The following TSPEAR variants were observed in gnomAD, a reference collection of about 807,000 sequenced individuals.
TSPEAR encodes the protein thrombospondin type laminin G domain and EAR repeats.
In TSPEAR, 69 loss-of-function variants were observed where a neutral mutation model predicts 71.6. The ratio of observed to expected loss-of-function variants is 0.96; its 90% CI spans 0.79 to 1.18. TSPEAR has a LOEUF of 1.18. Among genes scored for constraint, TSPEAR ranks in the 50% most tolerant of loss-of-function variants. The pLI, the probability that TSPEAR is intolerant of heterozygous loss-of-function variation, is 0.00. For synonymous variants in TSPEAR, 402 were observed against 387.2 expected (o/e 1.04, Z -0.45); for missense variants, 971 against 894.9 (o/e 1.09, Z -1.09).
At chr21:44,613,015 C>A (rs1385626396) in intron 1 of TSPEAR, 12 of 1,299,056 alleles carry the variant, frequency 9.2e-6, no homozygotes, top group African/African-American at 1.5e-5. Context: ...GCTGAGGTGA[C>A]CTCTCCCTCC....
intron 1 of TSPEAR, chr21:44,646,569 C>G: frequency 6.2e-7 from 1 of 1,612,386 alleles, no homozygotes; most frequent in Non-Finnish European, 8.5e-7. Context: ...CCAGCTGCTG[C>G]GCCCCGGCCC....
In TSPEAR at chr21:44,517,724, G is replaced by A. The variant is rs112502431; in HGVS notation, c.1566+4159C>T. 6.6e-4 allele frequency: 312 copies of A among 469,966 alleles called. 1 individual carries two copies. Among genetic ancestry groups the A allele is most frequent in the African/African-American group, 1.7e-3 (85 of 50,208 alleles). The allele number at this position is 469,966 out of a possible 1,614,324, so 29.1% of individuals were successfully genotyped here. ...GCAGTGGCCAGCGTCCTTGTCCTGC[G>A]GGGGCTCTGTGGACATCACTCGCCT... On this transcript the variant is annotated intron_variant, in intron 9 of 11. Transcript: ENST00000323084.
chr21:44,526,325 A>T (rs2052853808), intron 7 of TSPEAR, among the ~76,000 whole-genome samples: 1 of 152,230 alleles, frequency 6.6e-6, no homozygotes, highest in Admixed American at 6.5e-5. Flanking sequence ...GGCAAGGTGC[A>T]TGGTTCATGG....
chr21:44,511,917 T>C (rs1555912761), intron 9 of TSPEAR, among the ~76,000 whole-genome samples: 1 of 152,066 alleles, frequency 6.6e-6, no homozygotes, highest in East Asian at 1.9e-4. Flanking sequence ...CACATCTCAG[T>C]GATGAGTGAG....
intron 2 of TSPEAR, among the ~76,000 whole-genome samples, chr21:44,538,600 G>A (rs1555916659): frequency 1.3e-5 from 2 of 152,194 alleles, no homozygotes; most frequent in South Asian, 2.1e-4. Flanking sequence ...ACCCTCGGGC[G>A]GGCGGCACAC....
intron 11 of TSPEAR, among the ~76,000 whole-genome samples, chr21:44,503,072 A>G (rs2052076867): frequency 7.5e-6 from 1 of 133,616 alleles, no homozygotes; most frequent in Admixed American, 7.5e-5. Context: ...GGCCTCGGTG[A>G]GCCCTCAGGG....
At chr21:44,709,975 A>AG (rs1235801993) in intron 1 of TSPEAR, among the ~76,000 whole-genome samples, 6 of 152,106 alleles carry the variant, frequency 3.9e-5, no homozygotes, top group Non-Finnish European at 8.8e-5. Context: ...TTCAGGGGAG[A>AG]GGGGGAGGGC....
At chr21:44,505,567 TCCCCCCCC>T (rs1270275295) in intron 10 of TSPEAR, among the ~76,000 whole-genome samples, 7 of 8,506 alleles carry the variant, frequency 8.2e-4, no homozygotes, top group African/African-American at 1.1e-3. Flanking sequence ...CCCTCCCCCC[TCCCCCCCC>T]CCCCCCCCCC....
At chr21:44,501,220 C>T (rs1280031452) in intron 11 of TSPEAR, among the ~76,000 whole-genome samples, 4 of 152,098 alleles carry the variant, frequency 2.6e-5, no homozygotes, top group Non-Finnish European at 4.4e-5. Flanking sequence ...GAGGCTGAGG[C>T]GGGCAGATCA....
At chr21:44,637,462 C>T (rs782051051) in intron 1 of TSPEAR, 3 of 1,613,132 alleles carry the variant, frequency 1.9e-6, no homozygotes, top group Middle Eastern at 1.7e-4. Context: ...CCTGCACTGA[C>T]TCTTGGCGGG....
intron 1 of TSPEAR, among the ~76,000 whole-genome samples, chr21:44,590,423 C>A (rs1391449417): frequency 1.3e-5 from 2 of 152,050 alleles, no homozygotes; most frequent in African/African-American, 4.8e-5. Flanking sequence ...GAGCCAGGAC[C>A]CTGAAAGTCT....
intron 9 of TSPEAR, chr21:44,516,652 A>T (rs1212015011): frequency 6.6e-6 from 1 of 152,174 alleles, no homozygotes; most frequent in Non-Finnish European, 1.5e-5. Flanking sequence ...CAGCCCCCAG[A>T]GCCAGGGGCC....
intron 1 of TSPEAR, among the ~76,000 whole-genome samples, chr21:44,610,239 T>C (rs1323413353): frequency 4.6e-5 from 7 of 152,204 alleles, no homozygotes; most frequent in African/African-American, 1.7e-4. Flanking sequence ...CCCAAGACCA[T>C]GGGGAAAATA....
chr21:44,540,978 ATT>A (rs201197414), intron 2 of TSPEAR, among the ~76,000 whole-genome samples: 8 of 141,566 alleles, frequency 5.7e-5, no homozygotes, highest in African/African-American at 1.6e-4. Flanking sequence ...TCTTAAATTT[ATT>A]TTTTTTTTTT....
At chr21:44,678,190 C>T in intron 1 of TSPEAR, 1 of 453,016 alleles carries the variant, frequency 2.2e-6, no homozygotes, top group Non-Finnish European at 4.0e-6. Context: ...TTTATCACTC[C>T]TATTGATATG....
chr21:44,574,446 G>A lies in TSPEAR; in HGVS notation c.83-6441C>T, dbSNP rs201789835. On this transcript the variant is annotated intron_variant, in intron 1 of 11. Coordinates refer to ENST00000323084, the MANE Select transcript of TSPEAR (RefSeq NM_144991.3). ...CTCCTCCTGCCAGCAGGCCTGCTGC[G>A]TGCCCGTCTGCTGCAAGACTGTCTG... 6.7e-5 allele frequency: 108 copies of A among 1,601,236 alleles called. 1 individual carries two copies. Among genetic ancestry groups the A allele is most frequent in the Admixed American group, 5.4e-4 (32 of 59,066 alleles).
chr21:44,550,675 C>T, intron 2 of TSPEAR: 1 of 1,612,560 alleles, frequency 6.2e-7, no homozygotes, highest in African/African-American at 1.3e-5. Context: ...CCGGCTGGCC[C>T]TGGGGGACAT....
chr21:44,580,281 G>A, intron 1 of TSPEAR: 2 of 1,608,410 alleles, frequency 1.2e-6, no homozygotes, highest in East Asian at 2.2e-5. Context: ...CAGGTGGGCA[G>A]GCAGCACACA....
rs572402008 is a variant in TSPEAR at position 44,707,309 on chromosome 21, G to GT, written c.82+4123_82+4124insA. On this transcript the variant is annotated intron_variant, in intron 1 of 11. Coordinates refer to ENST00000323084, the MANE Select transcript of TSPEAR (RefSeq NM_144991.3). ...TGGGGAAAGGACGCGGGGTGGGGGGGGGTGCGGGGAGAGAGGACACAGGGT... is the reference window on the plus strand; with the variant it reads ...TGGGGAAAGGACGCGGGGTGGGGGGGTGGTGCGGGGAGAGAGGACACAGGGT... 4.9e-4 allele frequency among the ~76,000 whole-genome samples: 75 copies of GT among 152,192 alleles called. 1 individual carries two copies. The highest frequency in any genetic ancestry group is 1.7e-3 in the African/African-American group (69 of 41,540).
Sources: allele counts gnomAD v4.1 joint callset (sites outside exome capture counted in the v4.1 genomes callset), GRCh38; gene constraint gnomAD v4.1.1; transcripts MANE v1.5; gene names NCBI Gene and HGNC (gene_info 2026-07-23, HGNC 2026-07-21).